STK38: variants seen among roughly 807,000 people sequenced by gnomAD.
The protein encoded by STK38 is serine/threonine-protein kinase 38.
Under a neutral mutation model 59.0 loss-of-function variants are expected in STK38, and 26 were observed. The observed-to-expected ratio is 0.44, with a 90% CI of 0.32 to 0.61. The LOEUF (loss-of-function observed/expected upper bound fraction) is 0.61, where lower values mean the gene tolerates loss of function less well. Ranked by LOEUF, STK38 falls within the 20% of genes least tolerant of loss-of-function variation. STK38 has a pLI of 0.04. For synonymous variants in STK38, 175 were observed against 176.6 expected, an observed-to-expected ratio of 0.99 and a Z score of 0.07; for missense variants, 433 against 566.0, an observed-to-expected ratio of 0.76 and a Z score of 2.38.
intron 4 of STK38, among the ~76,000 whole-genome samples, chr6:36,522,799 T>C (rs1404412372): frequency 2.4e-5 from 3 of 125,944 alleles, no homozygotes; most frequent in African/African-American, 9.4e-5. Context: ...GAGGTTGCAG[T>C]GAGCCAAGAT....
chr6:36,525,149 G>A (rs1156866905), intron 3 of STK38, among the ~76,000 whole-genome samples: 1 of 152,108 alleles, frequency 6.6e-6, no homozygotes, highest in Non-Finnish European at 1.5e-5. Flanking sequence ...TAGATGACAG[G>A]TTGATAGGTG....
intron 1 of STK38, among the ~76,000 whole-genome samples, chr6:36,546,532 C>T (rs1343689515): frequency 2.6e-5 from 4 of 152,222 alleles, no homozygotes; most frequent in African/African-American, 9.6e-5. Context: ...CTCTCCGAGT[C>T]TTTTAGTCGT....
rs143800909 is a variant in STK38, at chr6:36,524,019, T to C, written c.306+322A>G. On this transcript the variant is annotated intron_variant, in intron 4 of 13. Transcript: ENST00000229812. The stretch of plus-strand genomic sequence containing the variant: ...TTTAGAGTCTTAATTTCACCATCTA[T>C]AAAATGGGTTACTGTCCTGATTATG... Among the ~76,000 whole-genome samples, 623 of 152,234 alleles carry C rather than the reference T, an allele frequency of 4.1e-3. 18 individuals are homozygous for C. The highest frequency in any genetic ancestry group is 1.1e-3 in the Non-Finnish European group (73 of 68,014).
chr6:36,522,506 C>T (rs1310078265), intron 4 of STK38: 3 of 149,706 alleles, frequency 2.0e-5, no homozygotes. Flanking sequence ...GTCACTTAAT[C>T]ATAATAATAA....
At chr6:36,519,336 A>C (rs1983781) in intron 5 of STK38, among the ~76,000 whole-genome samples, 1 of 152,046 alleles carries the variant, frequency 6.6e-6, no homozygotes, top group South Asian at 2.1e-4. Context: ...GGAAACAGTA[A>C]CATTGCTTGC....
intron 4 of STK38, 61 bp from the exon 5 acceptor site, chr6:36,521,878 T>C: frequency 7.4e-7 from 1 of 1,342,422 alleles, no homozygotes; most frequent in African/African-American, 1.5e-5. Context: ...AATGCTTTCA[T>C]GTGTTATAGG....
chr6:36,499,978 C>T lies in STK38; in HGVS notation c.847G>A (p.Val283Ile). Residue 283 changes from valine (V) to isoleucine (I), a missense_variant, in exon 10 of 14, where the codon GTA (valine) becomes ATA (isoleucine). Coordinates refer to ENST00000229812, the MANE Select transcript of STK38 (RefSeq NM_007271.4). ...RNRRQLAFST[V>I]GTPDYIAPEV... ...GGAGCAATGTAGTCAGGAGTGCCTACTGTGGAGAAGGCCTGAAACATGGAC... is the reference window on the plus strand; with the variant it reads ...GGAGCAATGTAGTCAGGAGTGCCTATTGTGGAGAAGGCCTGAAACATGGAC... 7 of 1,613,860 alleles carry T rather than the reference C, an allele frequency of 4.3e-6. No individual in the cohort carries two copies. Among genetic ancestry groups the T allele is most frequent in the Non-Finnish European group, 5.9e-6 (7 of 1,179,840 alleles).
intron 9 of STK38, among the ~76,000 whole-genome samples, chr6:36,504,472 T>TG (rs1428924841): frequency 1.3e-5 from 2 of 152,278 alleles, no homozygotes; most frequent in Non-Finnish European, 2.9e-5. Context: ...ACTAGCTGAA[T>TG]GGGATCACTA....
At chr6:36,526,289 C>T (rs1225367009) in intron 2 of STK38, among the ~76,000 whole-genome samples, 2 of 146,804 alleles carry the variant, frequency 1.4e-5, no homozygotes, top group Non-Finnish European at 1.5e-5. Context: ...ATTTGATAAA[C>T]TCTTATATCA....
intron 7 of STK38, 44 bp downstream of exon 7, chr6:36,515,294 A>C (rs768919606): frequency 9.4e-6 from 15 of 1,600,128 alleles, no homozygotes; most frequent in Middle Eastern, 3.3e-4. Context: ...GAGGCTGCTC[A>C]GATCAGTAAA....
chr6:36,505,539 G>A (rs1259698445), intron 9 of STK38, among the ~76,000 whole-genome samples: 3 of 152,106 alleles, frequency 2.0e-5, no homozygotes, highest in Non-Finnish European at 4.4e-5. Flanking sequence ...CCACCTATTA[G>A]TGACCTACTA....
chr6:36,535,007 T>C (rs942718348), intron 2 of STK38, among the ~76,000 whole-genome samples: 3 of 152,136 alleles, frequency 2.0e-5, no homozygotes, highest in Non-Finnish European at 4.4e-5. Context: ...CAGTTATATG[T>C]CTATATATTA....
chr6:36,543,479 T>A (rs2127493794), intron 1 of STK38, among the ~76,000 whole-genome samples: 1 of 152,208 alleles, frequency 6.6e-6, no homozygotes, highest in East Asian at 1.9e-4. Context: ...ACACTGTGGT[T>A]CATGCCTGTA....
intron 10 of STK38, among the ~76,000 whole-genome samples, chr6:36,499,422 G>A (rs1368264300): frequency 2.6e-5 from 4 of 152,080 alleles, no homozygotes; most frequent in African/African-American, 9.7e-5. Flanking sequence ...ACTGGCATAT[G>A]ACCACCCCCA....
intron 2 of STK38, among the ~76,000 whole-genome samples, chr6:36,536,595 G>A (rs1777797407): frequency 6.6e-6 from 1 of 152,082 alleles, no homozygotes; most frequent in Non-Finnish European, 1.5e-5. Context: ...GTTCAGTGGT[G>A]TGATCTCAGC....
At chr6:36,525,522 A>G in intron 3 of STK38, 69 bp downstream of exon 3, 3 of 1,443,558 alleles carry the variant, frequency 2.1e-6, no homozygotes, top group Non-Finnish European at 2.9e-6. Flanking sequence ...TACCAAGGCT[A>G]ACAACTCACT....
chr6:36,517,828 G>T lies in STK38; in HGVS notation c.403C>A (p.Arg135Ser). The change falls in exon 6 of 14, where the codon CGT becomes AGT. Residue 135 changes from arginine (R) to serine (S), a missense_variant. By Grantham distance (110) the Arg-to-Ser change is moderately radical. Transcript: ENST00000229812. ...MLEKEQVGHIRAERDILVEAD... is the reference protein window; with the variant it reads ...MLEKEQVGHISAERDILVEAD... ...TCCACTAGAATGTCACGCTCCGCAC[G>T]AATGTGGCCAACCTGGAGGTATATG... The T allele has an allele frequency of 6.2e-7, 1 of 1,613,878 alleles. No individual in the cohort carries two copies. Among genetic ancestry groups the T allele is most frequent in the South Asian group, 1.1e-5 (1 of 91,040 alleles).
At chr6:36,509,281 A>T (rs916720934) in intron 7 of STK38, among the ~76,000 whole-genome samples, 3 of 152,194 alleles carry the variant, frequency 2.0e-5, no homozygotes, top group Non-Finnish European at 4.4e-5. Flanking sequence ...CAAGCAGGTC[A>T]TCCTGACATC....
At chr6:36,542,818 C>T (rs973072385) in intron 1 of STK38, among the ~76,000 whole-genome samples, 6 of 151,278 alleles carry the variant, frequency 4.0e-5, no homozygotes, top group East Asian at 2.0e-4. Flanking sequence ...TGGTGGCAGG[C>T]GCCTATAATC....
Sources: gnomAD v4.1 joint callset for allele counts (sites outside exome capture counted in the v4.1 genomes callset) on GRCh38, gnomAD v4.1.1 for gene constraint, MANE v1.5 for transcripts, NCBI Gene and HGNC (gene_info 2026-07-23, HGNC 2026-07-21) for gene names.